Variants in DLGAP1 observed in about 807,000 individuals in gnomAD.
The protein encoded by DLGAP1 is disks large-associated protein 1.
In DLGAP1, 11 loss-of-function variants were observed where a neutral mutation model predicts 90.8. That is an observed-to-expected ratio of 0.12 (90% CI 0.08 to 0.20). The LOEUF (loss-of-function observed/expected upper bound fraction) is 0.20, where lower values mean the gene tolerates loss of function less well. DLGAP1 is among the 10% of genes least tolerant of loss of function. The pLI is 1.00. For synonymous variants in DLGAP1, 558 were observed against 540.7 expected, an observed-to-expected ratio of 1.03 and a Z score of -0.44; for missense variants, 1,050 against 1,333.8, an observed-to-expected ratio of 0.79 and a Z score of 3.31.
At chr18:3,944,045 T>C (rs1308420853) in intron 3 of DLGAP1, among the ~76,000 whole-genome samples, 4 of 152,214 alleles carry the variant, frequency 2.6e-5, no homozygotes, top group Admixed American at 2.6e-4. Context: ...ATGTGGTACT[T>C]TTTAATGGCA....
intron 7 of DLGAP1, among the ~76,000 whole-genome samples, chr18:3,692,875 A>G (rs1471559808): frequency 1.3e-5 from 2 of 152,214 alleles, no homozygotes; most frequent in African/African-American, 4.8e-5. Context: ...CCTGAAGCCA[A>G]CACAGAGCTG....
At chr18:4,152,115 AGT>A (rs1198476641) in intron 1 of DLGAP1, among the ~76,000 whole-genome samples, 1 of 152,154 alleles carries the variant, frequency 6.6e-6, no homozygotes, top group Non-Finnish European at 1.5e-5. Flanking sequence ...CTTTCTGAAA[AGT>A]GACATAGAAA....
At chr18:3,675,080 GT>G (rs571819290) in intron 7 of DLGAP1, among the ~76,000 whole-genome samples, 1 of 151,560 alleles carries the variant, frequency 6.6e-6, no homozygotes, top group Non-Finnish European at 1.5e-5. Context: ...GGGTTAGCTG[GT>G]TTTTTTTTGA....
intron 5 of DLGAP1, among the ~76,000 whole-genome samples, chr18:3,756,282 C>T (rs1036896820): frequency 2.6e-5 from 4 of 152,076 alleles, no homozygotes; most frequent in Non-Finnish European, 5.9e-5. Flanking sequence ...ATCTCCTGAC[C>T]TTGTGATCTG....
At chr18:3,562,868 G>A (rs534423740) in intron 9 of DLGAP1, among the ~76,000 whole-genome samples, 67 of 151,842 alleles carry the variant, frequency 4.4e-4, no homozygotes, top group African/African-American at 1.2e-3. Flanking sequence ...TCTCTCTGTC[G>A]CTGAGGCTGG....
At chr18:4,032,662 G>A (rs1263676322) in intron 2 of DLGAP1, among the ~76,000 whole-genome samples, 5 of 152,116 alleles carry the variant, frequency 3.3e-5, no homozygotes, top group Non-Finnish European at 7.3e-5. Context: ...ATGTCACATC[G>A]TTTGGACACA....
chr18:4,028,276 T>G (rs2074735420), intron 2 of DLGAP1, among the ~76,000 whole-genome samples: 1 of 152,342 alleles, frequency 6.6e-6, no homozygotes, highest in East Asian at 1.9e-4. Flanking sequence ...TATTTGTAAC[T>G]CTATGCAAAG....
intron 2 of DLGAP1, among the ~76,000 whole-genome samples, chr18:4,016,441 C>A (rs1004154653): frequency 5.9e-5 from 9 of 152,174 alleles, no homozygotes; most frequent in Non-Finnish European, 1.3e-4. Flanking sequence ...GTAGGATACA[C>A]AGAAAACCTT....
chr18:3,800,947 C>T (rs1265591203), intron 5 of DLGAP1, among the ~76,000 whole-genome samples: 3 of 152,132 alleles, frequency 2.0e-5, no homozygotes, highest in Non-Finnish European at 2.9e-5. Context: ...TTAATCAGCT[C>T]ATGATTCTGC....
intron 7 of DLGAP1, among the ~76,000 whole-genome samples, chr18:3,700,679 A>G (rs956522288): frequency 2.0e-5 from 3 of 151,974 alleles, no homozygotes; most frequent in Non-Finnish European, 2.9e-5. Flanking sequence ...GTGTGATCTC[A>G]GCTCACTGCA....
At chr18:4,450,633 A>G (rs547218762) in intron 1 of DLGAP1, among the ~76,000 whole-genome samples, 1 of 152,346 alleles carries the variant, frequency 6.6e-6, no homozygotes, top group Admixed American at 6.5e-5. Flanking sequence ...ACTCTGCTGA[A>G]TATTAAGAAA....
At chr18:4,127,217 C>T (rs146867356) in intron 2 of DLGAP1, among the ~76,000 whole-genome samples, 1 of 152,152 alleles carries the variant, frequency 6.6e-6, no homozygotes, top group Non-Finnish European at 1.5e-5. Context: ...CAGCATGCAC[C>T]TTCACACCCT....
intron 11 of DLGAP1, among the ~76,000 whole-genome samples, chr18:3,504,844 T>C (rs1428503821): frequency 6.6e-6 from 1 of 152,144 alleles, no homozygotes; most frequent in East Asian, 1.9e-4. Context: ...TGACATACCA[T>C]GCACAACAGT....
At chr18:4,289,474 A>C (rs2079791498) in intron 1 of DLGAP1, among the ~76,000 whole-genome samples, 1 of 152,174 alleles carries the variant, frequency 6.6e-6, no homozygotes, top group South Asian at 2.1e-4. Context: ...AAAATCACAG[A>C]TTGTTCCATG....
chr18:4,374,318 T>A (rs1281811502), intron 1 of DLGAP1, among the ~76,000 whole-genome samples: 1 of 152,028 alleles, frequency 6.6e-6, no homozygotes, highest in Non-Finnish European at 1.5e-5. Flanking sequence ...CAAGATGGCA[T>A]GGAGGTGAAA....
At chr18:3,591,527 A>C (rs2056246039) in intron 7 of DLGAP1, among the ~76,000 whole-genome samples, 1 of 151,432 alleles carries the variant, frequency 6.6e-6, no homozygotes. Flanking sequence ...ATCTCCACAA[A>C]ATTATCCAGG....
chr18:4,311,776 C>T (rs886549660), intron 1 of DLGAP1, among the ~76,000 whole-genome samples: 3 of 152,068 alleles, frequency 2.0e-5, no homozygotes, highest in Non-Finnish European at 1.5e-5. Flanking sequence ...AGTGCAGTGG[C>T]GCAATCTCGG....
At chr18:4,446,836 C>A (rs2083679854) in intron 1 of DLGAP1, among the ~76,000 whole-genome samples, 1 of 151,998 alleles carries the variant, frequency 6.6e-6, no homozygotes, top group African/African-American at 2.4e-5. Flanking sequence ...TCTTACAAAT[C>A]AATAAGTTTA....
At chr18:3,890,021 T>C (rs1397555049) in intron 3 of DLGAP1, among the ~76,000 whole-genome samples, 4 of 152,104 alleles carry the variant, frequency 2.6e-5, no homozygotes, top group Admixed American at 2.0e-4. Context: ...TGAGACTCTG[T>C]GGTCATCTGC....
Sources: gnomAD v4.1 joint callset for allele counts (sites outside exome capture counted in the v4.1 genomes callset) on GRCh38, gnomAD v4.1.1 for gene constraint, MANE v1.5 for transcripts, NCBI Gene and HGNC (gene_info 2026-07-23, HGNC 2026-07-21) for gene names.